Variants in PAPLN observed in about 807,000 individuals in gnomAD.
PAPLN encodes the protein papilin, proteoglycan like sulfated glycoprotein, also known as papilin.
PAPLN carries 146 observed loss-of-function variants against 159.0 expected under a neutral mutation model. That is an observed-to-expected ratio of 0.92 (90% CI 0.80 to 1.05). The LOEUF is 1.05. Ranked by LOEUF, PAPLN falls within the 50% of genes least tolerant of loss-of-function variation. The pLI is 0.00. For missense variants in PAPLN, 1,720 were observed against 1,743.9 expected (o/e 0.99, Z 0.24); for synonymous variants, 734 against 702.9 (o/e 1.04, Z -0.70).
chr14:73,264,867 A>C, intron 22 of PAPLN, 141 bp downstream of exon 22: 1 of 1,364,376 alleles, frequency 7.3e-7, no homozygotes, highest in South Asian at 1.4e-5. Context: ...GGCCTAGAAA[A>C]ACAGGGCTCC....
rs1886315325 is a variant in PAPLN at position 73,259,483 on chromosome 14, C to T, written c.1923C>T (p.Gly641=). ...RHSPHGCCPD[G]HTASLGPQWQ... ...GTCCTCACGGGTGCTGCCCCGATGGCCACACGGCATCTCTCGGGCCTCAGT... is the reference window on the plus strand; with the variant it reads ...GTCCTCACGGGTGCTGCCCCGATGGTCACACGGCATCTCTCGGGCCTCAGT... The change falls in exon 16 of 27, where the codon GGC becomes GGT. Residue 641 remains glycine, a synonymous_variant. Coordinates refer to ENST00000644200, the MANE Select transcript of PAPLN (RefSeq NM_001365906.3). 1 of 1,607,420 alleles carries T rather than the reference C, an allele frequency of 6.2e-7. No homozygotes were observed. Among genetic ancestry groups the T allele is most frequent in the Admixed American group, 1.7e-5 (1 of 59,282 alleles).
At chr14:73,271,333 C>T (rs375448901) in intron 26 of PAPLN, among the ~76,000 whole-genome samples, 6 of 151,964 alleles carry the variant, frequency 3.9e-5, no homozygotes, top group South Asian at 2.1e-4. Flanking sequence ...TAAGGTTGTT[C>T]GCTGCTAGGT....
intron 26 of PAPLN, among the ~76,000 whole-genome samples, chr14:73,269,615 G>T (rs1980413): frequency 6.6e-6 from 1 of 152,146 alleles, no homozygotes; most frequent in Non-Finnish European, 1.5e-5. Context: ...TAAGCAGGAG[G>T]GAAAGGGGGA....
At chr14:73,259,650 C>A in intron 16 of PAPLN, 105 bp downstream of exon 16, 2 of 1,342,534 alleles carry the variant, frequency 1.5e-6, no homozygotes, top group African/African-American at 1.5e-5. Context: ...GGTGGGTGTG[C>A]AGAGCTCAGG....
In PAPLN at chr14:73,251,049, A is replaced by G. The variant is rs988540160; in HGVS notation, c.589+19A>G. Reference sequence around the variant, plus strand: ...AGCCGAGGTGGGGGTGGTTCCGACAAGGGGCAGTTGCCTGCCCCCTTCCTT... The same window carrying G: ...AGCCGAGGTGGGGGTGGTTCCGACAGGGGGCAGTTGCCTGCCCCCTTCCTT... On this transcript the variant is annotated intron_variant, in intron 7 of 26. Coordinates refer to ENST00000644200, the MANE Select transcript of PAPLN (RefSeq NM_001365906.3). The G allele has an allele frequency of 3.1e-6, 5 of 1,602,798 alleles. No homozygotes were observed. The African/African-American group carries it at 6.7e-5, about 21-fold the overall frequency.
At position 73,264,326 on chromosome 14, in the gene PAPLN, C is replaced by G. The variant is rs1350936617; in HGVS notation, c.2977C>G (p.Arg993Gly). 6.2e-7 allele frequency: 1 copy of G among 1,613,706 alleles called. No homozygotes were observed. Among genetic ancestry groups the G allele is most frequent in the Non-Finnish European group, 8.5e-7 (1 of 1,179,842 alleles). Reference protein sequence around the residue: ...PGRDSQKIQLRIIGGDMAVLS... With the variant: ...PGRDSQKIQLGIIGGDMAVLS... Reference sequence around the variant, plus strand: ...CCGCGACTCCCAGAAGATCCAACTTCGCATCATAGGTCTCTGTCCCCACCC... The same window carrying G: ...CCGCGACTCCCAGAAGATCCAACTTGGCATCATAGGTCTCTGTCCCCACCC... The change falls in exon 21 of 27, where the codon CGC becomes GGC. Residue 993 changes from arginine to glycine, a missense_variant. By Grantham distance (125) the Arg-to-Gly change is moderately radical. Transcript: ENST00000644200.
At chr14:73,250,870 A>C in intron 6 of PAPLN, 37 bp from the exon 7 acceptor site, 3 of 1,572,362 alleles carry the variant, frequency 1.9e-6, no homozygotes, top group Non-Finnish European at 2.6e-6. Context: ...TGTGGCCATG[A>C]TGCCGTCTCC....
At chr14:73,261,068 C>CT in intron 17 of PAPLN, 88 bp from the exon 18 acceptor site, 1 of 1,603,418 alleles carries the variant, frequency 6.2e-7, no homozygotes, top group Non-Finnish European at 8.5e-7. Flanking sequence ...CTGGCCCCTC[C>CT]TTCCTGCCAT....
chr14:73,246,677 G>C (rs1373172211), intron 5 of PAPLN: 1 of 128,080 alleles, frequency 7.8e-6, no homozygotes, highest in African/African-American at 3.0e-5. Flanking sequence ...ATCTTGCCCA[G>C]GCTTGAGTGC....
Position 73,264,692 on chromosome 14 carries a change from G to A in PAPLN, c.3091G>A (p.Ala1031Thr), listed in dbSNP as rs1483428275. 5.0e-6 allele frequency: 8 copies of A among 1,612,462 alleles called. No homozygotes were observed. The highest frequency in any genetic ancestry group is 1.3e-5 in the African/African-American group (1 of 74,966). The change falls in exon 22 of 27, where the codon GCC (alanine) becomes ACC (threonine). Residue 1031 changes from alanine to threonine, a missense_variant. By Grantham distance (58) the Ala-to-Thr change is moderately conservative. Coordinates refer to ENST00000644200, the MANE Select transcript of PAPLN (RefSeq NM_001365906.3). ...GQAGAAGPLG[A>T]IPSSHPQPAN... is the part of the protein sequence containing the mutation. ...AGCGGGGGCTGCTGGGCCCCTGGGG[G>A]CCATCCCCTCTTCACACCCACAGCC...
In PAPLN at chr14:73,266,525, C is replaced by G; in HGVS notation, c.3288C>G (p.Ser1096=). Residue 1096 remains serine, a synonymous_variant, in exon 24 of 27, where the codon TCC becomes TCG. Transcript: ENST00000644200. ...GACACCAGCTGCAGCCTGATGGCTC[C>G]CTGGTCATTAGCCGAGTGGCTGTAG... ...SPRHQLQPDG[S]LVISRVAVED... is the part of the protein sequence containing the mutation. The G allele has an allele frequency of 6.2e-7, 1 of 1,614,066 alleles. No individual in the cohort carries two copies. Among genetic ancestry groups the G allele is most frequent in the East Asian group, 2.2e-5 (1 of 44,870 alleles).
intron 2 of PAPLN, among the ~76,000 whole-genome samples, chr14:73,242,083 G>C (rs1355388294): frequency 6.6e-6 from 1 of 151,882 alleles, no homozygotes; most frequent in Non-Finnish European, 1.5e-5. Flanking sequence ...TACAGAGCAA[G>C]AGTGTGCTCA....
At position 73,272,662 on chromosome 14, in the gene PAPLN, T is replaced by C. The variant is rs372154582; in HGVS notation, c.3835T>C (p.Ter1279GlnextTer2). ...GCCTCACGCTCAGCCCATCTGGCAG[T>C]AGGGATGAAGGCTAGTTCCAGCCCC... Reference protein sequence around the residue: ...FQPHAQPIWQ* With the variant: ...FQPHAQPIWQQ Residue 1279 changes from the stop codon to glutamine, a stop_lost, in exon 27 of 27, where the codon TAG becomes CAG. Transcript: ENST00000644200. The C allele has an allele frequency of 9.2e-5, 145 of 1,567,770 alleles. No individual in the cohort carries two copies. The highest frequency in any genetic ancestry group is 1.2e-4 in the Non-Finnish European group (142 of 1,145,472).
Position 73,254,784 on chromosome 14 carries a change from G to A in PAPLN, c.1485+89G>A, listed in dbSNP as rs374683784. 1.4e-3 allele frequency: 2,281 copies of A among 1,588,784 alleles called. 43 individuals are homozygous for A. In the South Asian group the frequency reaches 0.025, roughly 17 times the overall value. Reference sequence around the variant, plus strand: ...AGCGCCGTCCTTGGACCTGACACGCGCCACTGGGCACCTTCCCCTGCCTCT... The same window carrying A: ...AGCGCCGTCCTTGGACCTGACACGCACCACTGGGCACCTTCCCCTGCCTCT... On this transcript the variant is annotated intron_variant, in intron 13 of 26. Transcript: ENST00000644200.
rs776656081 is a variant in PAPLN at position 73,253,802 on chromosome 14, C to T, written c.1143C>T (p.Gly381=). Reference sequence around the variant, plus strand: ...CCTGCTCAGCCTCCTGTGGAGGAGGCTCCCAGTCCCGCTCCGTGTACTGCA... The same window carrying T: ...CCTGCTCAGCCTCCTGTGGAGGAGGTTCCCAGTCCCGCTCCGTGTACTGCA... ...WAPCSASCGG[G]SQSRSVYCIS... is the part of the protein sequence containing the mutation. The change falls in exon 12 of 27, where the codon GGC becomes GGT. Residue 381 remains glycine (G), a synonymous_variant. Transcript: ENST00000644200. 14 of 1,611,870 alleles carry T rather than the reference C, an allele frequency of 8.7e-6. No homozygotes were observed. The South Asian group carries it at 1.5e-4, about 18-fold the overall frequency.
intron 5 of PAPLN, among the ~76,000 whole-genome samples, chr14:73,249,150 A>G (rs1884941000): frequency 6.6e-6 from 1 of 152,072 alleles, no homozygotes; most frequent in Non-Finnish European, 1.5e-5. Context: ...AAAACCAGAA[A>G]AAAGTTATCC....
At position 73,253,002 on chromosome 14, in the gene PAPLN, G is replaced by A. The variant is rs535441833; in HGVS notation, c.1094+227G>A. ...CTCTCCTGTGACCACGAAGTACTCA[G>A]AACACCTAGGCTTGGTGGCAGGAGG... On this transcript the variant is annotated intron_variant, in intron 11 of 26. Transcript: ENST00000644200. 1.2e-3 allele frequency among the ~76,000 whole-genome samples: 183 copies of A among 152,338 alleles called. No individual in the cohort carries two copies. In the Middle Eastern group the frequency reaches 0.014, roughly 11 times the overall value.
Position 73,252,794 on chromosome 14 carries a change from C to G in PAPLN, c.1094+19C>G, listed in dbSNP as rs751428728. 4 of 1,612,630 alleles carry G rather than the reference C, an allele frequency of 2.5e-6. No individual in the cohort carries two copies. Among genetic ancestry groups the G allele is most frequent in the Non-Finnish European group, 3.4e-6 (4 of 1,179,826 alleles). On this transcript the variant is annotated intron_variant, in intron 11 of 26. Coordinates refer to ENST00000644200, the MANE Select transcript of PAPLN (RefSeq NM_001365906.3). ...CCAAGCGGTGAGACCTTGCCAGCCC[C>G]TCTACCCATGATGAGGCCCAAGAAC... is the stretch of plus-strand genomic sequence containing the variant.
chr14:73,247,927 TG>T (rs1884720911), intron 5 of PAPLN, among the ~76,000 whole-genome samples: 2 of 78,628 alleles, frequency 2.5e-5, no homozygotes, highest in Non-Finnish European at 2.7e-5. Flanking sequence ...TGTGTGTGTG[TG>T]TGTGTGTTGT....
Sources: allele counts gnomAD v4.1 joint callset (sites outside exome capture counted in the v4.1 genomes callset), GRCh38; gene constraint gnomAD v4.1.1; transcripts MANE v1.5; gene names NCBI Gene and HGNC (gene_info 2026-07-23, HGNC 2026-07-21).